Variants in INPP4A observed in about 807,000 individuals in gnomAD.
INPP4A encodes the protein inositol polyphosphate-4-phosphatase type I A.
In INPP4A, 33 loss-of-function variants were observed where a neutral mutation model predicts 119.8. The observed-to-expected ratio is 0.28, with a 90% CI of 0.21 to 0.37. The LOEUF (loss-of-function observed/expected upper bound fraction) is 0.37. Among genes scored for constraint, INPP4A ranks in the 10% least tolerant of loss-of-function variants. The pLI is 1.00. For synonymous variants in INPP4A, 496 were observed against 500.7 expected (o/e 0.99, Z 0.12); for missense variants, 956 against 1,289.9 (o/e 0.74, Z 3.97).
At position 98,446,426 on chromosome 2, in the gene INPP4A, G is replaced by C. The variant is rs143320764; in HGVS notation, c.-166+1341G>C. Among the ~76,000 whole-genome samples, 756 of 152,164 alleles carry C rather than the reference G, an allele frequency of 5.0e-3. 7 individuals carry two copies. Among genetic ancestry groups the C allele is most frequent in the African/African-American group, 0.017 (711 of 41,512 alleles). ...CCCATGTAAGAAGGGCAGTGTGGTT[G>C]GTCTGTTGCAGGAGTGGTGCCAGGA... is the stretch of plus-strand genomic sequence containing the variant. On this transcript the variant is annotated intron_variant, in intron 1 of 24. Coordinates refer to ENST00000409851, the MANE Select transcript of INPP4A (RefSeq NM_001134225.2).
chr2:98,518,050 C>T (rs1000057402), intron 1 of INPP4A, among the ~76,000 whole-genome samples: 1 of 152,200 alleles, frequency 6.6e-6, no homozygotes, highest in Admixed American at 6.5e-5. Context: ...ATGTGTGTTC[C>T]TCATTTATAA....
chr2:98,570,399 A>T lies in INPP4A; in HGVS notation c.2518+1731A>T, dbSNP rs370671588. Among the ~76,000 whole-genome samples, 1 of 152,194 alleles carries T rather than the reference A, an allele frequency of 6.6e-6. No homozygotes were observed. Among genetic ancestry groups the T allele is most frequent in the Non-Finnish European group, 1.5e-5 (1 of 68,016 alleles). ...GGCTAGCAGGAAGAAGGCAGGAGCC[A>T]GGAGGGTGTGGGGCGCTGCCGGACA... On this transcript the variant is annotated intron_variant, in intron 22 of 24. Transcript: ENST00000409851. This position sits in a 1 kb window ranked among gnomAD's most constrained non-coding sequence, Gnocchi z 4.3.
rs1055729314 is a variant in INPP4A, at chr2:98,444,870, G to C, written c.-381G>C. On this transcript the variant is annotated 5_prime_UTR_variant, in exon 1 of 25. Coordinates refer to ENST00000409851, the MANE Select transcript of INPP4A (RefSeq NM_001134225.2). ...GGCTGCGCCCGGCGTCTAGAGCGGCGGCGGCTGGCTAGGGCTGCGGCGCGC... is the reference window on the plus strand; with the variant it reads ...GGCTGCGCCCGGCGTCTAGAGCGGCCGCGGCTGGCTAGGGCTGCGGCGCGC... 3.3e-5 allele frequency: 5 copies of C among 152,224 alleles called. No homozygotes were observed. The East Asian group carries it at 7.7e-4, about 24-fold the overall frequency. 9.4% of individuals were successfully genotyped at this position (152,224 alleles called of 1,614,324 possible).
At chr2:98,572,229 C>T (rs1697595192) in intron 22 of INPP4A, among the ~76,000 whole-genome samples, 1 of 152,188 alleles carries the variant, frequency 6.6e-6, no homozygotes, top group South Asian at 2.1e-4. Flanking sequence ...GTAAGGTGAC[C>T]TGATGGATCT....
At chr2:98,555,488 G>A in intron 15 of INPP4A, 65 bp from the exon 16 acceptor site, 1 of 1,523,950 alleles carries the variant, frequency 6.6e-7, no homozygotes, top group Non-Finnish European at 8.8e-7. Context: ...GGGCGATTTG[G>A]TTTGTGTTAT....
In INPP4A at chr2:98,552,854, C is replaced by T; in HGVS notation, c.1232C>T (p.Ala411Val). 1 of 1,613,772 alleles carries T rather than the reference C, an allele frequency of 6.2e-7. No individual in the cohort carries two copies. The highest frequency in any genetic ancestry group is 2.2e-5 in the East Asian group (1 of 44,878). ...QDVVRAKEII[A>V]QINTLKTQVS... is the part of the protein sequence containing the mutation. ...GTTGTCAGAGCCAAGGAGATCATCG[C>T]CCAGATCAACACCCTGAAAACCCAA... Residue 411 changes from alanine to valine, a missense_variant, in exon 14 of 25, where the codon GCC becomes GTC. Ala to Val is a moderately conservative substitution (Grantham distance 64, BLOSUM62 0). Transcript: ENST00000409851.
At chr2:98,495,805 G>A (rs1269358329) in intron 1 of INPP4A, among the ~76,000 whole-genome samples, 2 of 151,496 alleles carry the variant, frequency 1.3e-5, no homozygotes, top group African/African-American at 4.9e-5. Flanking sequence ...GCTCTTATAC[G>A]ACCTAAAATC....
At chr2:98,521,904 A>T (rs560955229) in intron 4 of INPP4A, 1 of 152,170 alleles carries the variant, frequency 6.6e-6, no homozygotes, top group Non-Finnish European at 1.5e-5. Context: ...CCACAGAGGG[A>T]TACCCTGTCT....
At chr2:98,533,932 CAT>C (rs1689726609) in intron 5 of INPP4A, among the ~76,000 whole-genome samples, 1 of 152,180 alleles carries the variant, frequency 6.6e-6, no homozygotes, top group Non-Finnish European at 1.5e-5. Flanking sequence ...TTTTGTGTCA[CAT>C]GTTAACTTTT....
intron 16 of INPP4A, 130 bp from the exon 17 acceptor site, chr2:98,559,333 A>G: frequency 1.0e-6 from 1 of 997,372 alleles, no homozygotes; most frequent in Non-Finnish European, 1.6e-6. Context: ...CCAGGCACCC[A>G]GACCTCTTTT....
At chr2:98,472,170 T>G (rs3754889) in intron 1 of INPP4A, among the ~76,000 whole-genome samples, 36,750 of 151,916 alleles carry the variant, frequency 0.24, 4,545 homozygotes, top group Middle Eastern at 0.35. Context: ...TCCACATGGG[T>G]GGAGACCTAC....
At position 98,462,277 on chromosome 2, in the gene INPP4A, T is replaced by G. The variant is rs151026836; in HGVS notation, c.-166+17192T>G. Among the ~76,000 whole-genome samples, 573 of 151,934 alleles carry G rather than the reference T, an allele frequency of 3.8e-3. 7 individuals carry two copies. Among genetic ancestry groups the G allele is most frequent in the African/African-American group, 0.013 (554 of 41,438 alleles). On this transcript the variant is annotated intron_variant, in intron 1 of 24. Coordinates refer to ENST00000409851, the MANE Select transcript of INPP4A (RefSeq NM_001134225.2). Reference sequence around the variant, plus strand: ...TCCTGGCTAACACAGTGAAACCCCATCTCTACTAAAAATACAAAAAATTAG... The same window carrying G: ...TCCTGGCTAACACAGTGAAACCCCAGCTCTACTAAAAATACAAAAAATTAG...
In INPP4A at chr2:98,554,734, G is replaced by A. The variant is rs1275285843; in HGVS notation, c.1566+245G>A. On this transcript the variant is annotated intron_variant, in intron 15 of 24. Coordinates refer to ENST00000409851, the MANE Select transcript of INPP4A (RefSeq NM_001134225.2). This position sits in a 1 kb window ranked among gnomAD's most constrained non-coding sequence, Gnocchi z 4.7. The stretch of plus-strand genomic sequence containing the variant: ...TGGGCCAGCCTCAGACCTGGATGAA[G>A]AGGAAGACAAGTGGGTTTTCCTCCC... Among the ~76,000 whole-genome samples, 1 of 152,220 alleles carries A rather than the reference G, an allele frequency of 6.6e-6. No homozygotes were observed. Among genetic ancestry groups the A allele is most frequent in the Non-Finnish European group, 1.5e-5 (1 of 68,034 alleles).
In INPP4A at chr2:98,533,534, A is replaced by G. The variant is rs116287639; in HGVS notation, c.270+39A>G. On this transcript the variant is annotated intron_variant, in intron 5 of 24. Coordinates refer to ENST00000409851, the MANE Select transcript of INPP4A (RefSeq NM_001134225.2). ...GTCTCTCTCTGAGGGGCTGTGGGAC[A>G]TGCTCTAGTGGTGTCTCTTGTCCTG... The G allele has an allele frequency of 7.6e-4, 922 of 1,209,808 alleles. 8 individuals are homozygous for G. The African/African-American group carries it at 0.012, about 16-fold the overall frequency. 74.9% of individuals were successfully genotyped at this position (1,209,808 alleles called of 1,614,324 possible). A position where few individuals can be genotyped will look rare whatever the true frequency, so the allele number is the denominator to read the frequency against.
At chr2:98,500,205 A>G in intron 1 of INPP4A, among the ~76,000 whole-genome samples, 1 of 152,148 alleles carries the variant, frequency 6.6e-6, no homozygotes, top group Non-Finnish European at 1.5e-5. Flanking sequence ...CTTACTTGAG[A>G]TTGCAGCGAA....
intron 1 of INPP4A, among the ~76,000 whole-genome samples, chr2:98,489,652 G>T (rs1471149512): frequency 6.6e-6 from 1 of 152,186 alleles, no homozygotes; most frequent in Admixed American, 6.5e-5. Flanking sequence ...GTCCCATTCT[G>T]AGGGGAATTT....
chr2:98,549,192 G>A (rs1174337918), intron 13 of INPP4A, among the ~76,000 whole-genome samples: 1 of 152,130 alleles, frequency 6.6e-6, no homozygotes, highest in African/African-American at 2.4e-5. Flanking sequence ...TGGCAGCTGG[G>A]TGTTGTCGTA....
At chr2:98,493,426 A>ATTTTTTTT (rs371958433) in intron 1 of INPP4A, among the ~76,000 whole-genome samples, 1 of 123,112 alleles carries the variant, frequency 8.1e-6, no homozygotes, top group Non-Finnish European at 1.7e-5. Flanking sequence ...TTCTATTTCT[A>ATTTTTTTT]TTTTTTTTTT....
chr2:98,526,900 T>C (rs1688274511), intron 4 of INPP4A, among the ~76,000 whole-genome samples: 1 of 151,994 alleles, frequency 6.6e-6, no homozygotes. Flanking sequence ...AACAAACAGG[T>C]CTTGCGTAAA....
Sources: allele counts gnomAD v4.1 joint callset (sites outside exome capture counted in the v4.1 genomes callset), GRCh38; gene constraint gnomAD v4.1.1; non-coding constraint Gnocchi (gnomAD v3.1); transcripts MANE v1.5; gene names NCBI Gene and HGNC (gene_info 2026-07-23, HGNC 2026-07-21).